The following FKBP5 variants were observed in gnomAD, a reference collection of about 807,000 sequenced individuals.
The protein encoded by FKBP5 is FKBP prolyl isomerase 5.
FKBP5 carries 23 observed loss-of-function variants against 50.5 expected under a neutral mutation model. The observed-to-expected ratio is 0.46, with a 90% CI of 0.33 to 0.65. FKBP5 has a LOEUF of 0.65. FKBP5 is among the 30% of genes least tolerant of loss of function. FKBP5 has a pLI of 0.02. For synonymous variants in FKBP5, 176 were observed against 190.6 expected, an observed-to-expected ratio of 0.92 and a Z score of 0.63; for missense variants, 411 against 553.1, an observed-to-expected ratio of 0.74 and a Z score of 2.58.
chr6:35,700,395 T>G (rs1378143900), intron 2 of FKBP5, among the ~76,000 whole-genome samples: 1 of 152,132 alleles, frequency 6.6e-6, no homozygotes, highest in East Asian at 1.9e-4. Context: ...CACTATATTC[T>G]ATTAATTAAA....
chr6:35,642,448 T>A (rs1764519156), intron 2 of FKBP5, among the ~76,000 whole-genome samples: 1 of 151,906 alleles, frequency 6.6e-6, no homozygotes, highest in Non-Finnish European at 1.5e-5. Flanking sequence ...ATTTAATTAA[T>A]TAATTTAAAA....
intron 1 of FKBP5, among the ~76,000 whole-genome samples, chr6:35,684,043 G>C (rs1765754880): frequency 2.0e-5 from 3 of 152,236 alleles, no homozygotes; most frequent in Admixed American, 1.3e-4. Context: ...AACAGAGCAA[G>C]ACCCTGTCTC....
chr6:35,647,986 T>C (rs1764677006), intron 1 of FKBP5, among the ~76,000 whole-genome samples: 5 of 152,238 alleles, frequency 3.3e-5, no homozygotes, highest in Admixed American at 3.3e-4. Context: ...TCGGACATTT[T>C]GGTATTATTC....
chr6:35,595,520 A>C (rs1194319928), intron 6 of FKBP5, among the ~76,000 whole-genome samples: 2 of 151,922 alleles, frequency 1.3e-5, no homozygotes, highest in African/African-American at 4.8e-5. Flanking sequence ...GGAGGGTGAG[A>C]CAGGCGGATC....
At chr6:35,576,655 T>G (rs1581776583) in intron 10 of FKBP5, among the ~76,000 whole-genome samples, 2 of 112,176 alleles carry the variant, frequency 1.8e-5, no homozygotes, top group Admixed American at 1.1e-4. Flanking sequence ...GGTGACAGAG[T>G]GAGACTCTGA....
chr6:35,589,185 G>A lies in FKBP5; in HGVS notation c.756+1945C>T, dbSNP rs1223779101. Among the ~76,000 whole-genome samples, 5 of 146,452 alleles carry A rather than the reference G, an allele frequency of 3.4e-5. No homozygotes were observed. In the Admixed American group the frequency reaches 3.5e-4, roughly 10 times the overall value. The stretch of plus-strand genomic sequence containing the variant: ...GCTCTGTCTCTCAGGCTGGAGTGCA[G>A]TGGCATGATCTCGGCTCACGGCAAC... On this transcript the variant is annotated intron_variant, in intron 7 of 10. Transcript: ENST00000357266.
chr6:35,585,339 A>C, intron 8 of FKBP5: 1 of 978,528 alleles, frequency 1.0e-6, no homozygotes, highest in Non-Finnish European at 1.2e-6. Context: ...TTGGAATCTT[A>C]CTTGAATAGT....
intron 2 of FKBP5, among the ~76,000 whole-genome samples, chr6:35,699,830 T>G (rs1262718693): frequency 1.3e-5 from 2 of 152,126 alleles, no homozygotes; most frequent in Non-Finnish European, 2.9e-5. Context: ...GCAGATTACC[T>G]GAGGTCAGGA....
chr6:35,653,395 A>G (rs1764866294), intron 1 of FKBP5, among the ~76,000 whole-genome samples: 1 of 152,168 alleles, frequency 6.6e-6, no homozygotes, highest in Non-Finnish European at 1.5e-5. Context: ...ATAGATAGTT[A>G]AACAGCATGG....
At chr6:35,600,236 G>A (rs1763103771) in intron 5 of FKBP5, among the ~76,000 whole-genome samples, 2 of 152,078 alleles carry the variant, frequency 1.3e-5, no homozygotes, top group South Asian at 4.2e-4. Context: ...AGGTTCTACA[G>A]GGAGTCTGAG....
intron 1 of FKBP5, among the ~76,000 whole-genome samples, chr6:35,680,017 C>A (rs1581878068): frequency 6.6e-6 from 1 of 151,888 alleles, no homozygotes; most frequent in Non-Finnish European, 1.5e-5. Context: ...TGTTGAATAT[C>A]AATGATTAAT....
rs147842151 is a variant in FKBP5, at chr6:35,605,182, A to C, written c.509-7778T>G. ...ACATGGGGTGATTTGGAAATTCTAC[A>C]TGCTATTCTTACTAGTACTTTCCAT... On this transcript the variant is annotated intron_variant, in intron 5 of 10. Coordinates refer to ENST00000357266, the MANE Select transcript of FKBP5 (RefSeq NM_004117.4). Among the ~76,000 whole-genome samples, 298 of 152,138 alleles carry C rather than the reference A, an allele frequency of 2.0e-3. 7 individuals carry two copies. The East Asian group carries it at 0.046, about 23-fold the overall frequency.
intron 8 of FKBP5, chr6:35,582,389 G>GAATT: frequency 1.3e-6 from 1 of 757,518 alleles, no homozygotes; most frequent in Non-Finnish European, 1.6e-6. Context: ...TTTGGGGAGG[G>GAATT]AATTAGGTTA....
chr6:35,579,627 T>G (rs923098074), intron 9 of FKBP5, among the ~76,000 whole-genome samples: 1 of 152,168 alleles, frequency 6.6e-6, no homozygotes, highest in African/African-American at 2.4e-5. Context: ...ATAATAAAAA[T>G]TGACCTATAT....
At position 35,671,634 on chromosome 6, in the gene FKBP5, T is replaced by C. The variant is rs571059444; in HGVS notation, c.-20+17170A>G. 2.0e-4 allele frequency among the ~76,000 whole-genome samples: 31 copies of C among 152,200 alleles called. 1 individual carries two copies. In the South Asian group the frequency reaches 6.2e-3, roughly 30 times the overall value. On this transcript the variant is annotated intron_variant, in intron 1 of 10. Coordinates refer to ENST00000357266, the MANE Select transcript of FKBP5 (RefSeq NM_004117.4). ...TAAAGAAGTTAAATTACAAAAAACT[T>C]CATATTCTAAGAATGAAGTTAACAG... is the stretch of plus-strand genomic sequence containing the variant.
At chr6:35,607,174 A>G (rs1461371369) in intron 5 of FKBP5, among the ~76,000 whole-genome samples, 3 of 151,980 alleles carry the variant, frequency 2.0e-5, no homozygotes, top group Non-Finnish European at 4.4e-5. Flanking sequence ...CTGACCTCAA[A>G]TGATCCACCC....
chr6:35,638,548 G>C (rs1044222046), intron 2 of FKBP5, among the ~76,000 whole-genome samples: 5 of 152,030 alleles, frequency 3.3e-5, no homozygotes, highest in African/African-American at 1.2e-4. Context: ...CTCCCGAGTA[G>C]CAGAGACTAC....
At chr6:35,608,510 T>C (rs1763398221) in intron 5 of FKBP5, among the ~76,000 whole-genome samples, 1 of 151,928 alleles carries the variant, frequency 6.6e-6, no homozygotes, top group African/African-American at 2.4e-5. Flanking sequence ...GCTTGAGCAA[T>C]ATAGCAAGAC....
Position 35,577,004 on chromosome 6 carries a change from T to A in FKBP5, c.1256A>T (p.Gln419Leu). 6.2e-7 allele frequency: 1 copy of A among 1,614,000 alleles called. No individual in the cohort carries two copies. Among genetic ancestry groups the A allele is most frequent in the Non-Finnish European group, 8.5e-7 (1 of 1,180,014 alleles). ...AGGCTCTGCACACACCTTGGCATCC[T>A]GCTCTGCAAACTTCTTGAACATGTT... ...YANMFKKFAE[Q>L]DAKEEANKAM... The change falls in exon 10 of 11, where the codon CAG (glutamine) becomes CTG (leucine). Residue 419 changes from glutamine to leucine, a missense_variant. Physicochemically the swap from Gln to Leu is moderately radical, Grantham distance 113. This residue lies in a region of FKBP5 where 88 missense variants were observed against 89.0 expected (regional missense o/e 0.99). Transcript: ENST00000357266.
Sources: allele counts gnomAD v4.1 joint callset (sites outside exome capture counted in the v4.1 genomes callset), GRCh38; gene constraint gnomAD v4.1.1; regional missense constraint gnomAD v4.1.1; transcripts MANE v1.5; gene names NCBI Gene and HGNC (gene_info 2026-07-23, HGNC 2026-07-21).